ZHX3: variants seen among roughly 807,000 people sequenced by gnomAD.
The protein encoded by ZHX3 is zinc fingers and homeoboxes protein 3.
A neutral mutation model predicts 64.5 loss-of-function variants in ZHX3; 20 were observed. The ratio of observed to expected loss-of-function variants is 0.31; its 90% CI spans 0.22 to 0.45. ZHX3 has a LOEUF of 0.45. Ranked by LOEUF, ZHX3 falls within the 20% of genes least tolerant of loss-of-function variation. The probability of loss-of-function intolerance (pLI) is 1.00; values close to 1 mark genes in which losing one functional copy is unlikely to be tolerated. For synonymous variants in ZHX3, 423 were observed against 461.6 expected (o/e 0.92, Z 1.07); for missense variants, 1,041 against 1,195.8 (o/e 0.87, Z 1.91).
intron 2 of ZHX3, among the ~76,000 whole-genome samples, chr20:41,237,030 T>C (rs1197659314): frequency 1.3e-5 from 2 of 152,188 alleles, no homozygotes; most frequent in South Asian, 2.1e-4. Context: ...CATCACTGGC[T>C]ATCAGAGCAA....
chr20:41,284,005 T>C (rs2146704627), intron 1 of ZHX3, among the ~76,000 whole-genome samples: 1 of 152,318 alleles, frequency 6.6e-6, no homozygotes, highest in Admixed American at 6.5e-5. Flanking sequence ...GTATTATTTA[T>C]GTAATTTTAA....
At chr20:41,231,926 C>A (rs147509663) in intron 2 of ZHX3, among the ~76,000 whole-genome samples, 1 of 151,992 alleles carries the variant, frequency 6.6e-6, no homozygotes, top group East Asian at 1.9e-4. Context: ...GGTAAAGCAC[C>A]TCCTAATGGT....
At chr20:41,291,638 C>T (rs929030808) in intron 1 of ZHX3, among the ~76,000 whole-genome samples, 5 of 151,728 alleles carry the variant, frequency 3.3e-5, no homozygotes, top group African/African-American at 1.2e-4. Flanking sequence ...CGTATACACA[C>T]ATACATGTAT....
rs763688672 is a variant in ZHX3 at position 41,185,053 on chromosome 20, G to A, written c.*138C>T. ...TAGCGGCAGGCTCTGGGCTGTCTGC[G>A]AGGATTCTGGAAGCTCTCCCAGGTG... On this transcript the variant is annotated 3_prime_UTR_variant, in exon 4 of 4. Coordinates refer to ENST00000683867, the MANE Select transcript of ZHX3 (RefSeq NM_001384317.1). This position sits in a 1 kb window ranked among gnomAD's most constrained non-coding sequence, Gnocchi z 5.0. The A allele has an allele frequency of 1.2e-5, 19 of 1,552,524 alleles. No homozygotes were observed. The highest frequency in any genetic ancestry group is 1.1e-4 in the South Asian group (9 of 84,252).
chr20:41,263,694 C>G (rs1440921342), intron 2 of ZHX3, among the ~76,000 whole-genome samples: 1 of 151,930 alleles, frequency 6.6e-6, no homozygotes, highest in Non-Finnish European at 1.5e-5. Context: ...CCACCACTCC[C>G]GGCTGAGGAT....
intron 2 of ZHX3, among the ~76,000 whole-genome samples, chr20:41,231,377 C>T (rs1235649657): frequency 3.9e-5 from 6 of 152,164 alleles, no homozygotes; most frequent in Admixed American, 1.3e-4. Flanking sequence ...TTTGCTGCAA[C>T]CTAAACACAC....
chr20:41,267,353 T>A (rs1429382156), intron 2 of ZHX3: 1 of 152,252 alleles, frequency 6.6e-6, no homozygotes, highest in African/African-American at 2.4e-5. Flanking sequence ...AGATACTTCC[T>A]CCACAACATT....
intron 1 of ZHX3, among the ~76,000 whole-genome samples, chr20:41,305,643 G>A (rs951825498): frequency 6.6e-6 from 1 of 152,038 alleles, no homozygotes; most frequent in African/African-American, 2.4e-5. Flanking sequence ...AATTAGCCAG[G>A]CGTGGTGGCG....
intron 2 of ZHX3, among the ~76,000 whole-genome samples, chr20:41,243,939 T>A (rs779221851): frequency 6.6e-6 from 1 of 151,994 alleles, no homozygotes; most frequent in Non-Finnish European, 1.5e-5. Flanking sequence ...TAACAGAAGC[T>A]CTTAAACACA....
intron 2 of ZHX3, among the ~76,000 whole-genome samples, chr20:41,229,273 C>T (rs895087526): frequency 2.0e-5 from 3 of 152,166 alleles, no homozygotes; most frequent in African/African-American, 4.8e-5. Flanking sequence ...ATAATATCCC[C>T]CTGTATGTAT....
At chr20:41,305,636 T>C (rs1485707319) in intron 1 of ZHX3, among the ~76,000 whole-genome samples, 2 of 151,832 alleles carry the variant, frequency 1.3e-5, no homozygotes, top group African/African-American at 2.4e-5. Flanking sequence ...TACAAAAAAT[T>C]AGCCAGGCGT....
At chr20:41,309,162 T>C (rs1335028359) in intron 1 of ZHX3, among the ~76,000 whole-genome samples, 3 of 152,236 alleles carry the variant, frequency 2.0e-5, no homozygotes, top group African/African-American at 4.8e-5. Flanking sequence ...CTTCCTGCTG[T>C]TGTCAGTGTG....
chr20:41,204,001 T>G lies in ZHX3; in HGVS notation c.916A>C (p.Ile306Leu). ...TCCATGGCTGCATTGTACGTTGGAATGCTGCTCAGGGGGATCATCACTTTG... is the reference window on the plus strand; with the variant it reads ...TCCATGGCTGCATTGTACGTTGGAAGGCTGCTCAGGGGGATCATCACTTTG... ...LPKVMIPLSS[I>L]PTYNAAMDSN... Residue 306 changes from isoleucine to leucine, a missense_variant, in exon 3 of 4, where the codon ATT (isoleucine) becomes CTT (leucine). Physicochemically the swap from Ile to Leu is conservative, Grantham distance 5. Around this residue, in one of 4 missense-constraint regions of ZHX3, gnomAD observed 358 missense variants for 369.1 expected, o/e 0.97. Coordinates refer to ENST00000683867, the MANE Select transcript of ZHX3 (RefSeq NM_001384317.1). The surrounding 1 kb of genome is among the most constrained non-coding windows in gnomAD (Gnocchi z 6.6). 1 of 1,614,248 alleles carries G rather than the reference T, an allele frequency of 6.2e-7. No individual in the cohort carries two copies. Among genetic ancestry groups the G allele is most frequent in the Non-Finnish European group, 8.5e-7 (1 of 1,180,040 alleles).
intron 2 of ZHX3, among the ~76,000 whole-genome samples, chr20:41,243,761 A>G (rs1405236752): frequency 6.6e-6 from 1 of 152,188 alleles, no homozygotes; most frequent in Non-Finnish European, 1.5e-5. Flanking sequence ...GAGAAAGAAC[A>G]TATCATGTTG....
chr20:41,289,533 T>C (rs2044117706), intron 1 of ZHX3, among the ~76,000 whole-genome samples: 1 of 152,278 alleles, frequency 6.6e-6, no homozygotes, highest in Non-Finnish European at 1.5e-5. Flanking sequence ...TCTCCCTCAG[T>C]ACATCTCATT....
At chr20:41,234,166 T>C (rs565242113) in intron 2 of ZHX3, among the ~76,000 whole-genome samples, 1 of 152,324 alleles carries the variant, frequency 6.6e-6, no homozygotes, top group African/African-American at 2.4e-5. Context: ...AACTTCCCTG[T>C]TGCACTGGTG....
In ZHX3 at chr20:41,226,955, C is replaced by T. The variant is rs1001713119; in HGVS notation, c.-150-21889G>A. On this transcript the variant is annotated intron_variant, in intron 2 of 3. Coordinates refer to ENST00000683867, the MANE Select transcript of ZHX3 (RefSeq NM_001384317.1). This position sits in a 1 kb window ranked among gnomAD's most constrained non-coding sequence, Gnocchi z 4.4. ...CCCAGGACAGTTTCTAAAATGTTTCCTTTATGAGTACTGTTTTGAATGCTG... is the reference window on the plus strand; with the variant it reads ...CCCAGGACAGTTTCTAAAATGTTTCTTTTATGAGTACTGTTTTGAATGCTG... 6.6e-6 allele frequency among the ~76,000 whole-genome samples: 1 copy of T among 152,150 alleles called. No individual in the cohort carries two copies. Among genetic ancestry groups the T allele is most frequent in the Non-Finnish European group, 1.5e-5 (1 of 68,026 alleles).
rs1160048763 is a variant in ZHX3, at chr20:41,269,050, G to T, written c.-211C>A. On this transcript the variant is annotated 5_prime_UTR_variant, in exon 2 of 4. Transcript: ENST00000683867. ...TGCAGTCCCACAAGCATCTCTAAAA[G>T]GTCACATGTTGCTTCTGCAGTTGCA... 1.3e-5 allele frequency: 2 copies of T among 152,136 alleles called. No individual in the cohort carries two copies. Among genetic ancestry groups the T allele is most frequent in the Non-Finnish European group, 2.9e-5 (2 of 68,022 alleles). 9.4% of individuals were successfully genotyped at this position (152,136 alleles called of 1,614,324 possible). A position where few individuals can be genotyped will look rare whatever the true frequency, so the allele number is the denominator to read the frequency against.
At chr20:41,304,345 G>A (rs1388505332) in intron 1 of ZHX3, among the ~76,000 whole-genome samples, 1 of 152,096 alleles carries the variant, frequency 6.6e-6, no homozygotes, top group Admixed American at 6.5e-5. Flanking sequence ...TATCTCCACA[G>A]TCCAGACCAC....
Sources: gnomAD v4.1 joint callset for allele counts (sites outside exome capture counted in the v4.1 genomes callset) on GRCh38, gnomAD v4.1.1 for gene constraint, gnomAD v4.1.1 regional missense constraint, Gnocchi (gnomAD v3.1) non-coding constraint, MANE v1.5 for transcripts, NCBI Gene and HGNC (gene_info 2026-07-23, HGNC 2026-07-21) for gene names.